PDZD2: variants seen among roughly 807,000 people sequenced by gnomAD.
PDZD2 encodes the protein PDZ domain containing 2.
PDZD2 carries 90 observed loss-of-function variants against 220.7 expected under a neutral mutation model. The observed-to-expected ratio is 0.41, with a 90% CI of 0.34 to 0.49. PDZD2 has a LOEUF of 0.49. PDZD2 is among the 20% of genes least tolerant of loss of function. The probability of loss-of-function intolerance (pLI) is 0.28; values close to 1 mark genes in which losing one functional copy is unlikely to be tolerated. For synonymous variants in PDZD2, 1,375 were observed against 1,450.5 expected (o/e 0.95, Z 1.18); for missense variants, 3,174 against 3,608.5 (o/e 0.88, Z 3.08).
intron 19 of PDZD2, among the ~76,000 whole-genome samples, chr5:32,081,539 A>G (rs1290691785): frequency 6.6e-6 from 1 of 152,158 alleles, no homozygotes; most frequent in Admixed American, 6.6e-5. Context: ...GATCTCTAAA[A>G]GATTTTAGAG....
At chr5:31,886,557 T>C (rs184765765) in intron 2 of PDZD2, among the ~76,000 whole-genome samples, 2 of 152,168 alleles carry the variant, frequency 1.3e-5, no homozygotes, top group African/African-American at 4.8e-5. Context: ...TGATGGAAAC[T>C]GCTTTTGTGA....
At chr5:31,748,167 G>A (rs1750713825) in intron 1 of PDZD2, 1 of 152,210 alleles carries the variant, frequency 6.6e-6, no homozygotes, top group Non-Finnish European at 1.5e-5. Context: ...GAGAGTGCTA[G>A]CTCCATTTCC....
intron 24 of PDZD2, among the ~76,000 whole-genome samples, chr5:32,101,898 T>C (rs1371293943): frequency 6.6e-6 from 1 of 152,214 alleles, no homozygotes; most frequent in African/African-American, 2.4e-5. Context: ...ATGAACAATA[T>C]TGATATGTAA....
At chr5:31,919,476 A>G (rs1743996398) in intron 2 of PDZD2, among the ~76,000 whole-genome samples, 1 of 151,594 alleles carries the variant, frequency 6.6e-6, no homozygotes, top group African/African-American at 2.4e-5. Context: ...CCTCCCTAGT[A>G]GCTAGGATTA....
At chr5:31,882,207 A>G (rs533343929) in intron 2 of PDZD2, among the ~76,000 whole-genome samples, 49 of 152,340 alleles carry the variant, frequency 3.2e-4, no homozygotes, top group African/African-American at 1.2e-3. Context: ...GTTATGAAGC[A>G]TAAGGCCTAT....
At chr5:31,712,384 T>G (rs1416897488) in intron 1 of PDZD2, among the ~76,000 whole-genome samples, 2 of 151,912 alleles carry the variant, frequency 1.3e-5, no homozygotes, top group Non-Finnish European at 2.9e-5. Flanking sequence ...TGCTCTTGGG[T>G]CAGAGACCTT....
intron 1 of PDZD2, among the ~76,000 whole-genome samples, chr5:31,763,870 T>TA (rs67321443): frequency 0.015 from 2,042 of 137,528 alleles, 37 homozygotes; most frequent in African/African-American, 0.043. Flanking sequence ...GCCCTCTGAT[T>TA]AAAAAAAAAA....
At chr5:31,898,113 A>G (rs1321592836) in intron 2 of PDZD2, among the ~76,000 whole-genome samples, 3 of 152,176 alleles carry the variant, frequency 2.0e-5, no homozygotes, top group Non-Finnish European at 4.4e-5. Context: ...GGAGCCAACT[A>G]TATTACAGGC....
At chr5:32,095,714 C>T (rs1743602309) in intron 21 of PDZD2, among the ~76,000 whole-genome samples, 1 of 138,376 alleles carries the variant, frequency 7.2e-6, no homozygotes, top group South Asian at 2.4e-4. Flanking sequence ...AGGAGGGCCT[C>T]ATTTTCTTTT....
At chr5:31,822,713 C>G (rs892236172) in intron 2 of PDZD2, 1 of 1,276,438 alleles carries the variant, frequency 7.8e-7, no homozygotes, top group African/African-American at 1.5e-5. Flanking sequence ...ATTAATTCAT[C>G]TTTCTGAGTT....
At chr5:31,733,916 A>G (rs140495356) in intron 1 of PDZD2, among the ~76,000 whole-genome samples, 253 of 152,300 alleles carry the variant, frequency 1.7e-3, no homozygotes, top group African/African-American at 5.8e-3. Context: ...TTCAATTCTG[A>G]CACTGTCTAC....
chr5:31,992,338 C>CT (rs1195226192), intron 3 of PDZD2, among the ~76,000 whole-genome samples: 6 of 152,122 alleles, frequency 3.9e-5, no homozygotes, highest in Non-Finnish European at 8.8e-5. Flanking sequence ...TTTTGCATGA[C>CT]TTTATTTTTA....
rs188421709 is a variant in PDZD2 at position 31,828,982 on chromosome 5, G to A, written c.476+29258G>A. 9.2e-5 allele frequency among the ~76,000 whole-genome samples: 14 copies of A among 152,310 alleles called. No homozygotes were observed. The East Asian group carries it at 2.5e-3, about 27-fold the overall frequency. On this transcript the variant is annotated intron_variant, in intron 2 of 24. Transcript: ENST00000438447. The stretch of plus-strand genomic sequence containing the variant: ...ATAACCTAGGGACAAGGCTACTTTT[G>A]CAGCATCAGCTCTGAATCAAGTCAA...
At chr5:31,975,796 T>TTTTTG (rs1749701861) in intron 2 of PDZD2, among the ~76,000 whole-genome samples, 1 of 43,112 alleles carries the variant, frequency 2.3e-5, no homozygotes, top group Non-Finnish European at 4.3e-5. Context: ...TCAGTCACTT[T>TTTTTG]TTTTTTATTT....
In PDZD2 at chr5:32,088,439, A is replaced by G. The variant is rs750991201; in HGVS notation, c.4991A>G (p.Gln1664Arg). Residue 1664 changes from glutamine to arginine, a missense_variant, in exon 20 of 25, where the codon CAG becomes CGG. Gln to Arg is a conservative substitution (Grantham distance 43). Around this residue, in one of 4 missense-constraint regions of PDZD2, gnomAD observed 1,861 missense variants for 2,001.0 expected, o/e 0.93. Transcript: ENST00000438447. This position sits in a 1 kb window ranked among gnomAD's most constrained non-coding sequence, Gnocchi z 4.6. ...GSYTSGPDSSQPSSLLEMSSQ... is the reference protein window; with the variant it reads ...GSYTSGPDSSRPSSLLEMSSQ... Reference sequence around the variant, plus strand: ...TACACTTCAGGCCCAGACTCTTCCCAGCCATCATCACTCTTGGAGATGAGC... The same window carrying G: ...TACACTTCAGGCCCAGACTCTTCCCGGCCATCATCACTCTTGGAGATGAGC... 7 of 1,613,962 alleles carry G rather than the reference A, an allele frequency of 4.3e-6. No homozygotes were observed. Among genetic ancestry groups the G allele is most frequent in the African/African-American group, 4.0e-5 (3 of 74,924 alleles).
intron 1 of PDZD2, among the ~76,000 whole-genome samples, chr5:31,648,262 T>C (rs1304958892): frequency 3.9e-5 from 6 of 152,190 alleles, no homozygotes; most frequent in Non-Finnish European, 7.3e-5. Flanking sequence ...TCCAGACTCA[T>C]GTGCCCCACT....
intron 1 of PDZD2, chr5:31,725,858 C>T (rs1421205623): frequency 6.4e-6 from 5 of 778,798 alleles, no homozygotes; most frequent in Admixed American, 1.8e-5. Flanking sequence ...TCTGCTACGC[C>T]GTGGTCTTCC....
intron 1 of PDZD2, among the ~76,000 whole-genome samples, chr5:31,645,980 G>A (rs552862252): frequency 6.6e-6 from 1 of 152,038 alleles, no homozygotes; most frequent in South Asian, 2.1e-4. Flanking sequence ...GCCTTACATG[G>A]GAGGCCTCCG....
intron 2 of PDZD2, among the ~76,000 whole-genome samples, chr5:31,943,847 A>G (rs1305885514): frequency 6.6e-6 from 1 of 152,228 alleles, no homozygotes; most frequent in Non-Finnish European, 1.5e-5. Context: ...GTGAACCTAG[A>G]AGGGAAGAAA....
Sources: gnomAD v4.1 joint callset for allele counts (sites outside exome capture counted in the v4.1 genomes callset) on GRCh38, gnomAD v4.1.1 for gene constraint, gnomAD v4.1.1 regional missense constraint, Gnocchi (gnomAD v3.1) non-coding constraint, MANE v1.5 for transcripts, NCBI Gene and HGNC (gene_info 2026-07-23, HGNC 2026-07-21) for gene names.